Variants in ZMIZ1 observed in about 807,000 individuals in gnomAD.
ZMIZ1 encodes zinc finger MIZ domain-containing protein 1.
Under a neutral mutation model 113.9 loss-of-function variants are expected in ZMIZ1, and 17 were observed. The observed-to-expected ratio is 0.15, with a 90% confidence interval of 0.10 to 0.22. The LOEUF (loss-of-function observed/expected upper bound fraction) is 0.22. Ranked by LOEUF, ZMIZ1 falls within the 10% of genes least tolerant of loss-of-function variation. The pLI is 1.00. For missense variants in ZMIZ1, 1,059 were observed against 1,477.8 expected (o/e 0.72, Z 4.65); for synonymous variants, 607 against 603.1 (o/e 1.01, Z -0.09).
intron 7 of ZMIZ1, among the ~76,000 whole-genome samples, chr10:79,247,394 A>T (rs10824730): frequency 7.9e-5 from 12 of 152,016 alleles, no homozygotes; most frequent in African/African-American, 2.9e-4. Flanking sequence ...TGCCTTTCCA[A>T]ACTGATGCAC....
At position 79,113,828 on chromosome 10, in the gene ZMIZ1, A is replaced by C. The variant is rs764977387; in HGVS notation, c.-336-5087A>C. ...TTGATGGCTCCTATCACAGTGTAGT[A>C]TATTCACGTTTGGAGCCCGTTCACC... On this transcript the variant is annotated intron_variant, in intron 1 of 24. Transcript: ENST00000334512. Among the ~76,000 whole-genome samples the C allele has an allele frequency of 5.4e-4, 82 of 151,514 alleles. 1 individual carries two copies. The highest frequency in any genetic ancestry group is 1.2e-3 in the Admixed American group (18 of 15,224).
At chr10:79,185,678 G>A (rs2132590134) in intron 4 of ZMIZ1, among the ~76,000 whole-genome samples, 1 of 152,324 alleles carries the variant, frequency 6.6e-6, no homozygotes, top group South Asian at 2.1e-4. Flanking sequence ...TTGCAGAGTT[G>A]AGAGTGAAGG....
intron 4 of ZMIZ1, among the ~76,000 whole-genome samples, chr10:79,183,360 A>G (rs556798156): frequency 3.4e-3 from 68 of 19,752 alleles, no homozygotes; most frequent in East Asian, 0.026. Flanking sequence ...GTGCACGCGC[A>G]CACACACACA....
intron 7 of ZMIZ1, among the ~76,000 whole-genome samples, chr10:79,224,821 T>G (rs1378768975): frequency 2.0e-5 from 3 of 152,092 alleles, no homozygotes; most frequent in African/African-American, 7.2e-5. Flanking sequence ...CCAGTGCAAG[T>G]TGTTCCTTCA....
rs1342130205 is a variant in ZMIZ1, at chr10:79,069,878, C to T, written c.-337+608C>T. 6.6e-6 allele frequency among the ~76,000 whole-genome samples: 1 copy of T among 151,772 alleles called. No individual in the cohort carries two copies. Among genetic ancestry groups the T allele is most frequent in the Non-Finnish European group, 1.5e-5 (1 of 67,922 alleles). On this transcript the variant is annotated intron_variant, in intron 1 of 24. Transcript: ENST00000334512. The surrounding 1 kb of genome is among the most constrained non-coding windows in gnomAD (Gnocchi z 4.6). The stretch of plus-strand genomic sequence containing the variant: ...GCCCGGGGAAAGCTGGCGCGCGGTA[C>T]AAACGAGAAACGCGGAGGTGTGTGT...
intron 7 of ZMIZ1, among the ~76,000 whole-genome samples, chr10:79,231,095 G>A (rs1849378133): frequency 6.6e-6 from 1 of 152,190 alleles, no homozygotes; most frequent in Non-Finnish European, 1.5e-5. Flanking sequence ...ACACAAAGAT[G>A]GCATCTCACT....
chr10:79,162,701 A>G (rs1428234805), intron 4 of ZMIZ1, among the ~76,000 whole-genome samples: 1 of 152,086 alleles, frequency 6.6e-6, no homozygotes, highest in African/African-American at 2.4e-5. Context: ...CGCAGTGAGG[A>G]GACTACACAC....
intron 7 of ZMIZ1, among the ~76,000 whole-genome samples, chr10:79,271,814 G>A (rs1851965297): frequency 6.6e-6 from 1 of 152,158 alleles, no homozygotes; most frequent in Admixed American, 6.5e-5. Flanking sequence ...GGTGGGCCTG[G>A]AGCCTGCTGG....
In ZMIZ1 at chr10:79,277,346, G is replaced by A. The variant is rs539962509; in HGVS notation, c.425+21G>A. On this transcript the variant is annotated intron_variant, in intron 8 of 24. Coordinates refer to ENST00000334512, the MANE Select transcript of ZMIZ1 (RefSeq NM_020338.4). ...CACAGGTAAGTGGGTGGGTGCCATG[G>A]GTGCAGGTACTGAGCAGACACCCCT... 288 of 1,587,286 alleles carry A rather than the reference G, an allele frequency of 1.8e-4. 2 individuals carry two copies. In the South Asian group the frequency reaches 3.1e-3, roughly 17 times the overall value.
chr10:79,101,893 C>A (rs943888542), intron 1 of ZMIZ1, among the ~76,000 whole-genome samples: 1 of 152,224 alleles, frequency 6.6e-6, no homozygotes, highest in Non-Finnish European at 1.5e-5. Context: ...CAATTACCAT[C>A]AGCTGCCACA....
intron 20 of ZMIZ1, 37 bp downstream of exon 20, chr10:79,305,268 C>A (rs1393457256): frequency 6.2e-7 from 1 of 1,609,062 alleles, no homozygotes; most frequent in South Asian, 1.1e-5. Context: ...CTTCCCCCAT[C>A]CCCCAACCAC....
chr10:79,126,630 G>C (rs745800355), intron 2 of ZMIZ1, among the ~76,000 whole-genome samples: 1 of 152,200 alleles, frequency 6.6e-6, no homozygotes, highest in African/African-American at 2.4e-5. Flanking sequence ...AGGTGCCCCC[G>C]GGGGGTTGGA....
chr10:79,160,604 C>T (rs1846073569), intron 3 of ZMIZ1, among the ~76,000 whole-genome samples: 1 of 152,236 alleles, frequency 6.6e-6, no homozygotes, highest in Admixed American at 6.5e-5. Context: ...AGGGCGAAGC[C>T]AAGATTTGAA....
intron 11 of ZMIZ1, among the ~76,000 whole-genome samples, chr10:79,292,580 G>GTA (rs902593896): frequency 6.6e-6 from 1 of 152,150 alleles, no homozygotes; most frequent in African/African-American, 2.4e-5. Flanking sequence ...GTGGTGGGGT[G>GTA]TATGGGTGCT....
chr10:79,128,221 G>A (rs895273225), intron 2 of ZMIZ1, among the ~76,000 whole-genome samples: 1 of 152,130 alleles, frequency 6.6e-6, no homozygotes, highest in African/African-American at 2.4e-5. Context: ...TGCCTTCTTT[G>A]AGCTGCCAGA....
chr10:79,223,933 G>C (rs1336738725), intron 7 of ZMIZ1, among the ~76,000 whole-genome samples: 3 of 152,198 alleles, frequency 2.0e-5, no homozygotes, highest in African/African-American at 7.2e-5. Context: ...CAAGGAATTG[G>C]GGGGAGGGGC....
chr10:79,276,840 T>C (rs1480240299), intron 7 of ZMIZ1, among the ~76,000 whole-genome samples: 1 of 152,032 alleles, frequency 6.6e-6, no homozygotes, highest in Non-Finnish European at 1.5e-5. Flanking sequence ...TCAGGCCCCC[T>C]CACTCCTCCA....
At chr10:79,122,878 G>A (rs560840723) in intron 2 of ZMIZ1, among the ~76,000 whole-genome samples, 1 of 152,310 alleles carries the variant, frequency 6.6e-6, no homozygotes, top group African/African-American at 2.4e-5. Flanking sequence ...GCAGCATTTG[G>A]GAAAACTGGC....
chr10:79,095,773 G>A (rs947245159), intron 1 of ZMIZ1, among the ~76,000 whole-genome samples: 3 of 152,208 alleles, frequency 2.0e-5, no homozygotes, highest in African/African-American at 7.2e-5. Context: ...TTCCTCAGAG[G>A]CCAGACTTCA....
Sources: gnomAD v4.1 joint callset for allele counts (sites outside exome capture counted in the v4.1 genomes callset) on GRCh38, gnomAD v4.1.1 for gene constraint, Gnocchi (gnomAD v3.1) non-coding constraint, MANE v1.5 for transcripts, NCBI Gene and HGNC (gene_info 2026-07-23, HGNC 2026-07-21) for gene names.